Variants in MGST3 observed in about 807,000 individuals in gnomAD.
MGST3 encodes glutathione S-transferase 3, mitochondrial.
Under a neutral mutation model 15.8 loss-of-function variants are expected in MGST3, and 13 were observed. The observed-to-expected ratio is 0.82, with a 90% confidence interval of 0.54 to 1.31. The LOEUF (loss-of-function observed/expected upper bound fraction) is 1.31, where lower values mean the gene tolerates loss of function less well. Among genes scored for constraint, MGST3 ranks in the 50% most tolerant of loss-of-function variants. MGST3 has a pLI of 0.00. For synonymous variants in MGST3, 49 were observed against 68.1 expected, an observed-to-expected ratio of 0.72 and a Z score of 1.38; for missense variants, 155 against 192.4, an observed-to-expected ratio of 0.81 and a Z score of 1.15.
intron 1 of MGST3, chr1:165,632,189 T>C: frequency 6.4e-7 from 1 of 1,560,998 alleles, no homozygotes; most frequent in Non-Finnish European, 8.8e-7. Context: ...CTAGGATGGG[T>C]AGAAGGAGAG....
chr1:165,631,443 G>C (rs536879609), intron 1 of MGST3, 150 bp downstream of exon 1: 1 of 152,886 alleles, frequency 6.5e-6, no homozygotes, highest in South Asian at 2.1e-4. Flanking sequence ...GTAAATTAGC[G>C]ATCTGAATTT....
intron 5 of MGST3, 39 bp from the exon 6 acceptor site, chr1:165,655,329 G>A (rs750833926): frequency 1.2e-6 from 2 of 1,612,954 alleles, no homozygotes; most frequent in South Asian, 2.2e-5. Context: ...CATAATTCTG[G>A]AGCACTCCTG....
chr1:165,644,415 T>C (rs770557187), intron 1 of MGST3, among the ~76,000 whole-genome samples: 21 of 152,202 alleles, frequency 1.4e-4, no homozygotes, highest in African/African-American at 1.9e-4. Flanking sequence ...TTAGAAAAGA[T>C]CCAGTAACAA....
chr1:165,641,719 G>A (rs1408569451), intron 1 of MGST3, among the ~76,000 whole-genome samples: 1 of 152,174 alleles, frequency 6.6e-6, no homozygotes, highest in Non-Finnish European at 1.5e-5. Flanking sequence ...ACATCCTAAA[G>A]CTTGCAGGGG....
chr1:165,631,851 A>G (rs1411060960), intron 1 of MGST3, among the ~76,000 whole-genome samples: 1 of 152,202 alleles, frequency 6.6e-6, no homozygotes, highest in Non-Finnish European at 1.5e-5. Flanking sequence ...GCCTCTTAGA[A>G]TCGTTTGTCC....
intron 4 of MGST3, among the ~76,000 whole-genome samples, chr1:165,652,498 C>T (rs1045833490): frequency 1.3e-5 from 2 of 151,992 alleles, no homozygotes; most frequent in African/African-American, 2.4e-5. Context: ...AAGTAAATTA[C>T]ATCATGTGTT....
rs562654388 is a variant in MGST3, at chr1:165,641,805, A to G, written c.-7-8036A>G. Among the ~76,000 whole-genome samples, 15 of 152,370 alleles carry G rather than the reference A, an allele frequency of 9.8e-5. No individual in the cohort carries two copies. The South Asian group carries it at 3.1e-3, about 32-fold the overall frequency. On this transcript the variant is annotated intron_variant, in intron 1 of 5. Coordinates refer to ENST00000367889, the MANE Select transcript of MGST3 (RefSeq NM_004528.4). ...TCTTGTAGATTTCCCACAGGAAAAG[A>G]TGAATCATAAAACAGTATTGAAGTC...
At chr1:165,655,292 A>C (rs1648677421) in intron 5 of MGST3, 76 bp from the exon 6 acceptor site, 3 of 1,576,330 alleles carry the variant, frequency 1.9e-6, no homozygotes, top group Admixed American at 1.8e-5. Context: ...ATGCGATGAT[A>C]GAATGGCTTG....
At chr1:165,650,123 A>G (rs1648512070) in intron 2 of MGST3, 159 bp downstream of exon 2, 1 of 1,040,790 alleles carries the variant, frequency 9.6e-7, no homozygotes, top group Non-Finnish European at 1.4e-6. Flanking sequence ...CATGGTAGGA[A>G]AGAGGCAAGA....
At chr1:165,652,089 A>T in intron 4 of MGST3, 54 bp downstream of exon 4, 1 of 771,442 alleles carries the variant, frequency 1.3e-6, no homozygotes. Flanking sequence ...CTGAGCTATT[A>T]TCAGGGACAG....
intron 4 of MGST3, among the ~76,000 whole-genome samples, chr1:165,652,620 G>C (rs1232373628): frequency 6.6e-6 from 1 of 152,228 alleles, no homozygotes; most frequent in African/African-American, 2.4e-5. Flanking sequence ...TGAGATGATA[G>C]TTAAGCAAGT....
chr1:165,644,408 GA>G (rs1648338756), intron 1 of MGST3, among the ~76,000 whole-genome samples: 1 of 152,138 alleles, frequency 6.6e-6, no homozygotes, highest in Non-Finnish European at 1.5e-5. Flanking sequence ...TAAAAACTTA[GA>G]AAAGATCCAG....
chr1:165,646,456 C>T (rs140422659), intron 1 of MGST3: 11 of 152,324 alleles, frequency 7.2e-5, no homozygotes, highest in Non-Finnish European at 1.3e-4. Context: ...TCCACAACTA[C>T]GACAAGAGTT....
intron 1 of MGST3, among the ~76,000 whole-genome samples, chr1:165,634,009 T>C (rs1267987038): frequency 1.3e-5 from 2 of 151,350 alleles, no homozygotes; most frequent in Non-Finnish European, 2.9e-5. Flanking sequence ...ATTCCTTGTT[T>C]GGAACTTTCC....
Position 165,655,304 on chromosome 1 carries a change from G to A in MGST3, c.323-64G>A, listed in dbSNP as rs1306633587. On this transcript the variant is annotated intron_variant, in intron 5 of 5. Coordinates refer to ENST00000367889, the MANE Select transcript of MGST3 (RefSeq NM_004528.4). ...CAGATGCGATGATAGAATGGCTTGC[G>A]AATGTTGAAAGCATCATAATTCTGG... 44 of 1,595,022 alleles carry A rather than the reference G, an allele frequency of 2.8e-5. 1 individual carries two copies. The East Asian group carries it at 9.0e-4, about 33-fold the overall frequency.
intron 1 of MGST3, among the ~76,000 whole-genome samples, chr1:165,635,979 T>C (rs1224031536): frequency 2.0e-5 from 3 of 152,246 alleles, no homozygotes; most frequent in East Asian, 1.9e-4. Context: ...TGTCGGGGGA[T>C]AGTTACTTTT....
At position 165,638,299 on chromosome 1, in the gene MGST3, C is replaced by T. The variant is rs1461966860; in HGVS notation, c.-8+7006C>T. Among the ~76,000 whole-genome samples, 7 of 151,880 alleles carry T rather than the reference C, an allele frequency of 4.6e-5. No individual in the cohort carries two copies. The East Asian group carries it at 1.2e-3, about 25-fold the overall frequency. The stretch of plus-strand genomic sequence containing the variant: ...TTCGAGACCAGCCTGGCCAACATAG[C>T]GAAACCCCGTCTGTACTAAAAATAC... On this transcript the variant is annotated intron_variant, in intron 1 of 5. Transcript: ENST00000367889.
intron 2 of MGST3, 99 bp from the exon 3 acceptor site, chr1:165,650,915 G>A: frequency 9.8e-7 from 1 of 1,023,476 alleles, no homozygotes. Flanking sequence ...GGGTGTGAAA[G>A]AAGATACTTT....
chr1:165,636,119 A>G (rs1557990716), intron 1 of MGST3, among the ~76,000 whole-genome samples: 1 of 152,224 alleles, frequency 6.6e-6, no homozygotes, highest in Non-Finnish European at 1.5e-5. Flanking sequence ...CTGAAAATGT[A>G]GTCTGAACCC....
Sources: allele counts gnomAD v4.1 joint callset (sites outside exome capture counted in the v4.1 genomes callset), GRCh38; gene constraint gnomAD v4.1.1; transcripts MANE v1.5; gene names NCBI Gene and HGNC (gene_info 2026-07-23, HGNC 2026-07-21).